Variants in CLN3 observed in about 807,000 individuals in gnomAD.
CLN3 encodes CLN3 lysosomal/endosomal transmembrane protein, battenin.
Under a neutral mutation model 60.7 loss-of-function variants are expected in CLN3, and 49 were observed. The observed-to-expected ratio is 0.81, with a 90% confidence interval of 0.64 to 1.02. The LOEUF is 1.02. Ranked by LOEUF, CLN3 falls within the 50% of genes least tolerant of loss-of-function variation. CLN3 has a pLI of 0.00. For missense variants in CLN3, 516 were observed against 557.4 expected (o/e 0.93, Z 0.75); for synonymous variants, 256 against 245.8 (o/e 1.04, Z -0.39).
chr16:28,491,361 G>C (rs2046310172), intron 3 of CLN3, 121 bp downstream of exon 3: 1 of 1,383,070 alleles, frequency 7.2e-7, no homozygotes, highest in South Asian at 1.2e-5. Flanking sequence ...CAAACCAGTG[G>C]ATTCAGTAAA....
chr16:28,479,407 GA>G (rs2046049916), intron 14 of CLN3: 1 of 152,058 alleles, frequency 6.6e-6, no homozygotes, highest in South Asian at 2.1e-4. Flanking sequence ...CCAACATGGC[GA>G]AACCCCATCT....
intron 3 of CLN3, 56 bp from the exon 4 acceptor site, chr16:28,489,442 C>T: frequency 2.3e-6 from 3 of 1,315,948 alleles, no homozygotes; most frequent in South Asian, 2.5e-5. Flanking sequence ...CATCTGTAGC[C>T]TTTGTGCCAA....
intron 9 of CLN3, 136 bp downstream of exon 9, chr16:28,486,211 T>C (rs924415463): frequency 2.8e-6 from 3 of 1,084,206 alleles, no homozygotes. Flanking sequence ...TTGGCCAGGC[T>C]GGTTTCCTGA....
At chr16:28,472,290 T>G (rs1451530119), downstream of CLN3, among the ~76,000 whole-genome samples, 2 of 150,698 alleles carry the variant, frequency 1.3e-5, no homozygotes, top group Non-Finnish European at 3.0e-5. Context: ...GGTGGCTAAT[T>G]GGGAGGCTGA....
intron 5 of CLN3, chr16:28,487,992 G>A: frequency 4.1e-6 from 2 of 489,256 alleles, no homozygotes; most frequent in Middle Eastern, 5.9e-4. Context: ...GGACTGCTGT[G>A]TGGCTTAAAT....
chr16:28,482,424 G>A (rs2046114322), intron 12 of CLN3, 42 bp from the exon 13 acceptor site: 1 of 1,612,090 alleles, frequency 6.2e-7, no homozygotes, highest in South Asian at 1.1e-5. Flanking sequence ...GGGGCTGTGT[G>A]GGTCCCAGCC....
At chr16:28,475,258 A>C (rs1270248474), downstream of CLN3, 1 of 152,356 alleles carries the variant, frequency 6.6e-6, no homozygotes, top group African/African-American at 2.4e-5. Context: ...TCTCCAAGAA[A>C]ACAAAAACAA....
downstream of CLN3, among the ~76,000 whole-genome samples, chr16:28,473,670 C>T (rs542507158): frequency 6.6e-6 from 1 of 152,264 alleles, no homozygotes; most frequent in South Asian, 2.1e-4. Flanking sequence ...AAAATATTTG[C>T]AAATCATGTA....
intron 3 of CLN3, among the ~76,000 whole-genome samples, chr16:28,490,759 CA>C (rs772260404): frequency 0.03 from 1,634 of 55,100 alleles, 19 homozygotes; most frequent in East Asian, 0.25. Context: ...GACTCCGTCT[CA>C]AAAAAAAAAA....
In CLN3 at chr16:28,491,509, G is replaced by C. The variant is rs1227931688; in HGVS notation, c.98C>G (p.Ala33Gly). The C allele has an allele frequency of 1.2e-6, 2 of 1,613,718 alleles. No individual in the cohort carries two copies. Among genetic ancestry groups the C allele is most frequent in the East Asian group, 2.2e-5 (1 of 44,884 alleles). ...GAAGCCCACCGCGTTCTTCCAATGC[G>C]CGCCCTGATGGTCCAACAGAGGGAG... ...PRLPLLDHQGAHWKNAVGFWL... is the reference protein window; with the variant it reads ...PRLPLLDHQGGHWKNAVGFWL... Residue 33 changes from alanine to glycine, a missense_variant, in exon 3 of 16, where the codon GCG (alanine) becomes GGG (glycine). Coordinates refer to ENST00000636147, the MANE Select transcript of CLN3 (RefSeq NM_001042432.2).
intron 10 of CLN3, 129 bp downstream of exon 10, chr16:28,483,877 T>A: frequency 1.4e-6 from 1 of 708,000 alleles, no homozygotes; most frequent in Non-Finnish European, 2.5e-6. Flanking sequence ...ATTTCTCAAA[T>A]AGACAAAGGC....
Position 28,488,651 on chromosome 16 carries a change from G to A in CLN3, c.234C>T (p.Gly78=). The A allele has an allele frequency of 6.2e-7, 1 of 1,614,114 alleles. No homozygotes were observed. Residue 78 remains glycine (G), a synonymous_variant, in exon 5 of 16, where the codon GGC becomes GGT. Transcript: ENST00000636147. ...TSGNQSHVDP[G]PTPIPHNSSS... is the part of the protein sequence containing the mutation. ...AGCTGTTGTGGGGGATCGGCGTTGG[G>A]CCTGGGTCCACCTAATGGGAGAAAA...
chr16:28,477,491 ACCTGCG>A lies in CLN3; in HGVS notation c.*19_*24del. 6.2e-7 allele frequency: 1 copy of A among 1,612,150 alleles called. No individual in the cohort carries two copies. The highest frequency in any genetic ancestry group is 8.5e-7 in the Non-Finnish European group (1 of 1,180,010). The stretch of plus-strand genomic sequence containing the variant: ...GTCCCTCTGCCCACAGGTGAATGTG[ACCTGCG>A]TCCTGAGGATCCCGAGTATCAGGAG... On this transcript the variant is annotated 3_prime_UTR_variant, in exon 16 of 16. Coordinates refer to ENST00000636147, the MANE Select transcript of CLN3 (RefSeq NM_001042432.2).
At chr16:28,484,383 C>T in intron 9 of CLN3, 1 of 448,518 alleles carries the variant, frequency 2.2e-6, no homozygotes, top group Non-Finnish European at 4.1e-6. Flanking sequence ...GGGTCTTTCT[C>T]CAGCATCCAG....
At chr16:28,477,165 A>ACAAG (rs2046006765), downstream of CLN3, 1 of 335,750 alleles carries the variant, frequency 3.0e-6, no homozygotes, top group Non-Finnish European at 5.7e-6. Flanking sequence ...AAACAAACAA[A>ACAAG]AAAGGGAGAA....
rs759553835 is a variant in CLN3 at position 28,482,622 on chromosome 16, GA to G, written c.837+3del. ...CAGGGACATACCCCAGCCATCATCCGAACCTTGAACACTGTCCACCTTTCCC... is the reference window on the plus strand; with the variant it reads ...CAGGGACATACCCCAGCCATCATCCGACCTTGAACACTGTCCACCTTTCCC... On this transcript the variant is annotated splice_donor_region_variant and intron_variant, in intron 11 of 15. Transcript: ENST00000636147. 1.1e-5 allele frequency: 18 copies of G among 1,614,030 alleles called. No homozygotes were observed. The highest frequency in any genetic ancestry group is 1.4e-5 in the Non-Finnish European group (16 of 1,180,044).
At position 28,477,746 on chromosome 16, in the gene CLN3, G is replaced by A. The variant is rs926869261; in HGVS notation, c.1188C>T (p.Ile396=). 9 of 1,614,080 alleles carry A rather than the reference G, an allele frequency of 5.6e-6. No individual in the cohort carries two copies. The highest frequency in any genetic ancestry group is 4.5e-5 in the East Asian group (2 of 44,900). Residue 396 remains isoleucine, a synonymous_variant, in exon 15 of 16, where the codon ATC becomes ATT. Transcript: ENST00000636147. Reference sequence around the variant, plus strand: ...CCCGGCCAATGCTGACCTCCAGGGCGATGTTGTGGAAGGTGTTCACGTAGG... The same window carrying A: ...CCCGGCCAATGCTGACCTCCAGGGCAATGTTGTGGAAGGTGTTCACGTAGG... The part of the protein sequence containing the change: ...GAAYVNTFHN[I]ALETSDEHRE...
chr16:28,482,293 C>T (rs757315798), intron 13 of CLN3, 34 bp downstream of exon 13: 21 of 1,609,684 alleles, frequency 1.3e-5, no homozygotes, highest in Admixed American at 1.2e-4. Flanking sequence ...ATCACCACGG[C>T]GCCCTCCCAG....
intron 14 of CLN3, among the ~76,000 whole-genome samples, chr16:28,480,644 T>A (rs551337861): frequency 6.6e-6 from 1 of 152,164 alleles, no homozygotes; most frequent in South Asian, 2.1e-4. Context: ...TGACCTCAGG[T>A]GATTCACCTG....
Sources: gnomAD v4.1 joint callset for allele counts (sites outside exome capture counted in the v4.1 genomes callset) on GRCh38, gnomAD v4.1.1 for gene constraint, MANE v1.5 for transcripts, NCBI Gene and HGNC (gene_info 2026-07-23, HGNC 2026-07-21) for gene names.